The following MAP2 variants were observed in gnomAD, a reference collection of about 807,000 sequenced individuals.
MAP2 encodes the protein microtubule associated protein 2.
A neutral mutation model predicts 137.6 loss-of-function variants in MAP2; 14 were observed. The ratio of observed to expected loss-of-function variants is 0.10; its 90% CI spans 0.07 to 0.16. The LOEUF is 0.16. Ranked by LOEUF, MAP2 falls within the 10% of genes least tolerant of loss-of-function variation. The pLI is 1.00. For missense variants in MAP2, 2,088 were observed against 2,191.5 expected (o/e 0.95, Z 0.94); for synonymous variants, 786 against 782.3 (o/e 1.00, Z -0.08).
intron 5 of MAP2, among the ~76,000 whole-genome samples, chr2:209,662,243 A>G (rs2044002752): frequency 6.6e-6 from 1 of 152,230 alleles, no homozygotes; most frequent in African/African-American, 2.4e-5. Flanking sequence ...ATTCACATGT[A>G]CTTCTATGTG....
intron 3 of MAP2, among the ~76,000 whole-genome samples, chr2:209,593,797 TATAATATATAATATAATATAATACATTA>T (rs2080289444): frequency 0.017 from 2 of 116 alleles, no homozygotes; most frequent in Admixed American, 0.25. Context: ...TTATATTATA[TATAATATATAATATAATATAATACATTA>T]TATTTATATT....
At position 209,498,456 on chromosome 2, in the gene MAP2, A is replaced by T. The variant is rs1376632960; in HGVS notation, c.-221-9136A>T. ...GGAGGGTGGTGACCCCCTTCTCACA[A>T]CTCCACTAAGGAATGCCCCAGTGGA... is the stretch of plus-strand genomic sequence containing the variant. On this transcript the variant is annotated intron_variant, in intron 1 of 15. Transcript: ENST00000682079. Among the ~76,000 whole-genome samples the T allele has an allele frequency of 2.0e-5, 3 of 151,766 alleles. No individual in the cohort carries two copies. The East Asian group carries it at 5.8e-4, about 29-fold the overall frequency.
chr2:209,679,319 A>C (rs1305277669), intron 6 of MAP2, among the ~76,000 whole-genome samples: 4 of 132,214 alleles, frequency 3.0e-5, no homozygotes, highest in Non-Finnish European at 5.0e-5. Flanking sequence ...TGCTGCCCCT[A>C]CTCATAGATA....
In MAP2 at chr2:209,730,519, C is replaced by G; in HGVS notation, c.*122C>G. On this transcript the variant is annotated 3_prime_UTR_variant, in exon 16 of 16. Transcript: ENST00000682079. The stretch of plus-strand genomic sequence containing the variant: ...TAAAATAAATAATCTCATCCCCAAA[C>G]TGTAGTAATTGTTACAATTTTCTAT... 5.8e-6 allele frequency: 4 copies of G among 692,972 alleles called. No individual in the cohort carries two copies. In the South Asian group the frequency reaches 7.7e-5, roughly 13 times the overall value. 42.9% of individuals were successfully genotyped at this position (692,972 alleles called of 1,614,324 possible).
chr2:209,593,634 A>AAAAAAAATAT lies in MAP2; in HGVS notation c.-107+13535_-107+13536insAAAAAATATA, dbSNP rs1286103137. The stretch of plus-strand genomic sequence containing the variant: ...CCTGTCTCTACAAAAAAAAAAAAAA[A>AAAAAAAATAT]ATATATATATATATATATATATATA... On this transcript the variant is annotated intron_variant, in intron 3 of 15. Transcript: ENST00000682079. 3.6e-4 allele frequency among the ~76,000 whole-genome samples: 12 copies of AAAAAAAATAT among 33,642 alleles called. 1 individual carries two copies. Among genetic ancestry groups the AAAAAAAATAT allele is most frequent in the Non-Finnish European group, 5.9e-4 (12 of 20,364 alleles). 22.1% of individuals were successfully genotyped at this position (33,642 alleles called of 152,430 possible). A position where few individuals can be genotyped will look rare whatever the true frequency, so the allele number is the denominator to read the frequency against.
chr2:209,669,782 C>T (rs773639008), intron 5 of MAP2, among the ~76,000 whole-genome samples: 1 of 151,788 alleles, frequency 6.6e-6, no homozygotes, highest in African/African-American at 2.4e-5. Context: ...TGCATACACA[C>T]ACACACACGC....
chr2:209,707,299 G>A (rs944719646), intron 12 of MAP2, among the ~76,000 whole-genome samples: 8 of 152,080 alleles, frequency 5.3e-5, no homozygotes, highest in African/African-American at 1.9e-4. Flanking sequence ...CAGGCATTTT[G>A]CATTGTATTA....
At chr2:209,501,496 G>A (rs2060375484) in intron 1 of MAP2, among the ~76,000 whole-genome samples, 1 of 152,086 alleles carries the variant, frequency 6.6e-6, no homozygotes, top group African/African-American at 2.4e-5. Context: ...ATTAACTCAA[G>A]ATTATTTGGT....
At chr2:209,612,172 A>G (rs549012444) in intron 3 of MAP2, among the ~76,000 whole-genome samples, 45 of 152,352 alleles carry the variant, frequency 3.0e-4, no homozygotes, top group African/African-American at 9.4e-4. Context: ...GAATTTAAAA[A>G]CAAATTCTGA....
intron 3 of MAP2, among the ~76,000 whole-genome samples, chr2:209,601,887 AG>A (rs1467989264): frequency 1.3e-5 from 2 of 152,206 alleles, no homozygotes; most frequent in African/African-American, 2.4e-5. Flanking sequence ...ACAAAATAAA[AG>A]TAAATTGCCA....
chr2:209,452,445 T>C (rs1700537459), intron 1 of MAP2, among the ~76,000 whole-genome samples: 1 of 152,152 alleles, frequency 6.6e-6, no homozygotes, highest in Non-Finnish European at 1.5e-5. Context: ...TCTGAATACA[T>C]TTTGCATTTT....
At chr2:209,676,207 C>A (rs940032058) in intron 5 of MAP2, among the ~76,000 whole-genome samples, 4 of 151,856 alleles carry the variant, frequency 2.6e-5, no homozygotes, top group African/African-American at 9.7e-5. Flanking sequence ...ACTATGCAGC[C>A]ATAATAAAGA....
chr2:209,441,580 C>G (rs184899319), intron 1 of MAP2, among the ~76,000 whole-genome samples: 1 of 151,586 alleles, frequency 6.6e-6, no homozygotes, highest in East Asian at 1.9e-4. Context: ...TGTAAATTAT[C>G]AAAGGGAAAT....
At chr2:209,593,675 G>A (rs1392104330) in intron 3 of MAP2, among the ~76,000 whole-genome samples, 115 of 36,508 alleles carry the variant, frequency 3.1e-3, no homozygotes, top group South Asian at 4.3e-3. Context: ...ATATATATAT[G>A]TATTATAAAA....
At chr2:209,576,397 C>G (rs1391315273) in intron 2 of MAP2, among the ~76,000 whole-genome samples, 1 of 151,946 alleles carries the variant, frequency 6.6e-6, no homozygotes, top group Non-Finnish European at 1.5e-5. Context: ...GCATGCACCA[C>G]CACACCCAGC....
chr2:209,586,816 G>A (rs1252912242), intron 3 of MAP2, among the ~76,000 whole-genome samples: 2 of 152,148 alleles, frequency 1.3e-5, no homozygotes, highest in African/African-American at 2.4e-5. Context: ...AGGCTAGAAG[G>A]CAAATGTCCA....
chr2:209,558,906 T>C (rs751514675), intron 2 of MAP2, among the ~76,000 whole-genome samples: 10 of 152,044 alleles, frequency 6.6e-5, no homozygotes, highest in Non-Finnish European at 1.0e-4. Context: ...AATAACCAAA[T>C]AGATGATATT....
intron 2 of MAP2, among the ~76,000 whole-genome samples, chr2:209,551,745 C>T (rs1160851822): frequency 6.6e-6 from 1 of 151,938 alleles, no homozygotes; most frequent in Non-Finnish European, 1.5e-5. Flanking sequence ...CTGGGGAAAC[C>T]AGAGTATAGT....
intron 2 of MAP2, among the ~76,000 whole-genome samples, chr2:209,543,058 T>C (rs1308530013): frequency 6.6e-6 from 1 of 152,232 alleles, no homozygotes; most frequent in Non-Finnish European, 1.5e-5. Context: ...TCATTCCTAG[T>C]TTTTTATTTA....
Sources: allele counts gnomAD v4.1 joint callset (sites outside exome capture counted in the v4.1 genomes callset), GRCh38; gene constraint gnomAD v4.1.1; transcripts MANE v1.5; gene names NCBI Gene and HGNC (gene_info 2026-07-23, HGNC 2026-07-21).